Variants in PTPRT observed in about 807,000 individuals in gnomAD.
PTPRT encodes the protein protein tyrosine phosphatase receptor type T, also known as receptor-type tyrosine-protein phosphatase T.
In PTPRT, 56 loss-of-function variants were observed where a neutral mutation model predicts 176.8. That is an observed-to-expected ratio of 0.32 (90% CI 0.26 to 0.40). The LOEUF is 0.40. Ranked by LOEUF, PTPRT falls within the 10% of genes least tolerant of loss-of-function variation. The probability of loss-of-function intolerance (pLI) is 1.00; values close to 1 mark genes in which losing one functional copy is unlikely to be tolerated. For missense variants in PTPRT, 1,540 were observed against 1,908.2 expected, an observed-to-expected ratio of 0.81 and a Z score of 3.60; for synonymous variants, 783 against 739.0, an observed-to-expected ratio of 1.06 and a Z score of -0.96.
chr20:42,740,828 C>T lies in PTPRT; in HGVS notation c.859+15634G>A, dbSNP rs547905434. Among the ~76,000 whole-genome samples, 8 of 152,230 alleles carry T rather than the reference C, an allele frequency of 5.3e-5. No homozygotes were observed. In the South Asian group the frequency reaches 1.7e-3, roughly 32 times the overall value. ...GCAACATGGTAGGAGACCAGAGCTG[C>T]CACCAAGAACTTCTTCCTGGGATGG... On this transcript the variant is annotated intron_variant, in intron 6 of 30. Transcript: ENST00000373187.
At chr20:42,140,980 G>T (rs1205054763) in intron 18 of PTPRT, among the ~76,000 whole-genome samples, 1 of 152,128 alleles carries the variant, frequency 6.6e-6, no homozygotes, top group East Asian at 1.9e-4. Flanking sequence ...CTTTCCCAGG[G>T]CCCTACAGTT....
At chr20:42,788,025 T>C (rs977506697) in intron 3 of PTPRT, among the ~76,000 whole-genome samples, 5 of 152,154 alleles carry the variant, frequency 3.3e-5, no homozygotes, top group Non-Finnish European at 7.4e-5. Flanking sequence ...TAAAACATAT[T>C]ACACAAAAGG....
chr20:42,473,260 G>A (rs982797980), intron 7 of PTPRT, among the ~76,000 whole-genome samples: 1 of 152,018 alleles, frequency 6.6e-6, no homozygotes, highest in African/African-American at 2.4e-5. Context: ...CCCTAATGCT[G>A]TCTCCCACTC....
chr20:42,067,039 C>T, the PTPRT span, among the ~76,000 whole-genome samples: 1 of 152,142 alleles, frequency 6.6e-6, no homozygotes, highest in African/African-American at 2.4e-5. Flanking sequence ...CTTTTGAACT[C>T]CTGCATCTTT....
At chr20:42,339,932 A>G (rs565471762) in intron 11 of PTPRT, among the ~76,000 whole-genome samples, 2 of 152,254 alleles carry the variant, frequency 1.3e-5, no homozygotes, top group Admixed American at 6.5e-5. Flanking sequence ...TACATTGCTC[A>G]TCTCTTATGA....
chr20:42,141,850 T>A lies in PTPRT; in HGVS notation c.2770+65A>T. The A allele has an allele frequency of 2.2e-6, 3 of 1,378,570 alleles. No individual in the cohort carries two copies. The South Asian group carries it at 3.5e-5, about 16-fold the overall frequency. 85.4% of individuals were successfully genotyped at this position (1,378,570 alleles called of 1,614,324 possible). ...ATAACAAATTCCAGGTAAATAATAG[T>A]AATAGCCTCTTTTCCCCTGCATCCT... On this transcript the variant is annotated intron_variant, in intron 18 of 30. Transcript: ENST00000373187.
At chr20:42,302,310 C>A (rs1018404982) in intron 12 of PTPRT, among the ~76,000 whole-genome samples, 2 of 152,130 alleles carry the variant, frequency 1.3e-5, no homozygotes, top group African/African-American at 4.8e-5. Context: ...GCATACAAAG[C>A]CCAGCATTAT....
chr20:42,931,735 C>T (rs1173380843), intron 1 of PTPRT, among the ~76,000 whole-genome samples: 4 of 152,166 alleles, frequency 2.6e-5, no homozygotes, highest in African/African-American at 9.7e-5. Flanking sequence ...ACAGCGTAGG[C>T]GCTCAACAAG....
intron 16 of PTPRT, among the ~76,000 whole-genome samples, chr20:42,164,943 C>T (rs764587617): frequency 4.6e-5 from 7 of 152,136 alleles, no homozygotes; most frequent in East Asian, 1.9e-4. Flanking sequence ...GTTTATTTAT[C>T]GTGCAATAAT....
At chr20:42,671,206 C>G (rs548959205) in intron 7 of PTPRT, among the ~76,000 whole-genome samples, 1 of 152,166 alleles carries the variant, frequency 6.6e-6, no homozygotes, top group Non-Finnish European at 1.5e-5. Flanking sequence ...AGCAGCCTGC[C>G]TACTGCCCCC....
At chr20:42,886,500 C>T (rs1368663686) in intron 1 of PTPRT, among the ~76,000 whole-genome samples, 1 of 152,212 alleles carries the variant, frequency 6.6e-6, no homozygotes, top group Non-Finnish European at 1.5e-5. Context: ...AATACTTTCT[C>T]AGTGCCCACC....
At chr20:42,409,481 C>CAAAAAA (rs58932390) in intron 9 of PTPRT, among the ~76,000 whole-genome samples, 5 of 112,168 alleles carry the variant, frequency 4.5e-5, no homozygotes, top group African/African-American at 1.8e-4. Context: ...GACTCTGTCG[C>CAAAAAA]AAAAAAAAAA....
intron 1 of PTPRT, among the ~76,000 whole-genome samples, chr20:43,187,740 A>ATTTCT (rs1394763082): frequency 6.6e-6 from 1 of 152,208 alleles, no homozygotes; most frequent in Non-Finnish European, 1.5e-5. Context: ...ATATTCCAGG[A>ATTTCT]TTTCTTTTCT....
chr20:42,623,560 A>G (rs1209807523), intron 7 of PTPRT, among the ~76,000 whole-genome samples: 1 of 152,180 alleles, frequency 6.6e-6, no homozygotes, highest in Non-Finnish European at 1.5e-5. Context: ...ATGGTGATAG[A>G]ATTCAGTGCT....
At chr20:42,287,197 A>G (rs957778832) in intron 12 of PTPRT, among the ~76,000 whole-genome samples, 2 of 151,914 alleles carry the variant, frequency 1.3e-5, no homozygotes, top group African/African-American at 4.8e-5. Context: ...AAAAACTATA[A>G]ATAGAACTAT....
intron 11 of PTPRT, among the ~76,000 whole-genome samples, chr20:42,319,542 C>A (rs1268845512): frequency 6.6e-6 from 1 of 152,146 alleles, no homozygotes; most frequent in Admixed American, 6.5e-5. Flanking sequence ...AGCAAACCTG[C>A]AATGCAGCCA....
chr20:42,795,121 C>T (rs903987314), intron 2 of PTPRT, among the ~76,000 whole-genome samples: 8 of 151,930 alleles, frequency 5.3e-5, no homozygotes, highest in African/African-American at 7.3e-5. Flanking sequence ...CCGGTCATTA[C>T]GCCAAGATCA....
intron 13 of PTPRT, among the ~76,000 whole-genome samples, chr20:42,252,416 G>A (rs923879527): frequency 2.0e-5 from 3 of 152,178 alleles, no homozygotes; most frequent in Non-Finnish European, 4.4e-5. Flanking sequence ...AGAATAAAGA[G>A]TGGAAGGAGA....
intron 2 of PTPRT, among the ~76,000 whole-genome samples, chr20:42,881,800 T>G (rs188470758): frequency 6.8e-6 from 1 of 146,716 alleles, no homozygotes; most frequent in African/African-American, 2.5e-5. Context: ...AAGTGAAGAA[T>G]TGAGAAAACA....
Sources: allele counts gnomAD v4.1 joint callset (sites outside exome capture counted in the v4.1 genomes callset), GRCh38; gene constraint gnomAD v4.1.1; transcripts MANE v1.5; gene names NCBI Gene and HGNC (gene_info 2026-07-23, HGNC 2026-07-21).